Variants in ZFHX3 observed in about 807,000 individuals in gnomAD.
The protein encoded by ZFHX3 is zinc finger homeobox protein 3.
Under a neutral mutation model 279.1 loss-of-function variants are expected in ZFHX3, and 42 were observed. The ratio of observed to expected loss-of-function variants is 0.15; its 90% confidence interval spans 0.12 to 0.19. The LOEUF is 0.19. Among genes scored for constraint, ZFHX3 ranks in the 10% least tolerant of loss-of-function variants. The pLI, the probability that ZFHX3 is intolerant of heterozygous loss-of-function variation, is 1.00. For missense variants in ZFHX3, 4,981 were observed against 4,754.0 expected, an observed-to-expected ratio of 1.05 and a Z score of -1.40; for synonymous variants, 2,293 against 1,957.8, an observed-to-expected ratio of 1.17 and a Z score of -4.52.
intron 3 of ZFHX3, among the ~76,000 whole-genome samples, chr16:73,441,672 G>A (rs1312312679): frequency 2.6e-5 from 4 of 152,100 alleles, no homozygotes; most frequent in African/African-American, 7.2e-5. Context: ...AGCAGCCATC[G>A]CCAACCACCC....
chr16:73,162,279 A>G (rs1262147351), intron 5 of ZFHX3, among the ~76,000 whole-genome samples: 1 of 152,226 alleles, frequency 6.6e-6, no homozygotes, highest in African/African-American at 2.4e-5. Flanking sequence ...TTATAGCAGC[A>G]CAAACCCTAC....
intron 1 of ZFHX3, among the ~76,000 whole-genome samples, chr16:73,772,395 T>C (rs939028288): frequency 6.6e-6 from 1 of 152,164 alleles, no homozygotes; most frequent in Non-Finnish European, 1.5e-5. Flanking sequence ...CCATCAGATC[T>C]TGTAAGACTT....
chr16:73,752,596 C>A (rs1202818567), intron 1 of ZFHX3, among the ~76,000 whole-genome samples: 1 of 152,142 alleles, frequency 6.6e-6, no homozygotes, highest in Non-Finnish European at 1.5e-5. Context: ...AGCAGGAAAA[C>A]ACTCCCAGAG....
chr16:73,707,783 A>G (rs1418632461), intron 1 of ZFHX3, among the ~76,000 whole-genome samples: 1 of 151,966 alleles, frequency 6.6e-6, no homozygotes, highest in Non-Finnish European at 1.5e-5. Flanking sequence ...ACAAAACTAC[A>G]TGCCATTTAA....
Position 73,771,471 on chromosome 16 carries a change from A to G in ZFHX3, c.-1607-91231T>C, listed in dbSNP as rs114580894. Among the ~76,000 whole-genome samples, 1,448 of 152,332 alleles carry G rather than the reference A, an allele frequency of 9.5e-3. 26 individuals carry two copies. Among genetic ancestry groups the G allele is most frequent in the African/African-American group, 0.033 (1,384 of 41,580 alleles). On this transcript the variant is annotated intron_variant, in intron 1 of 17. Coordinates refer to the ZFHX3 transcript ENST00000641206. ...ACTTCTAAACTCAGTGCCTATGTAAAGCAATGGTCAGTAAGGAATTTTCCT... is the reference window on the plus strand; with the variant it reads ...ACTTCTAAACTCAGTGCCTATGTAAGGCAATGGTCAGTAAGGAATTTTCCT...
chr16:72,937,613 C>A (rs1960191838), intron 3 of ZFHX3, among the ~76,000 whole-genome samples: 2 of 152,230 alleles, frequency 1.3e-5, no homozygotes, highest in Non-Finnish European at 2.9e-5. Context: ...GACCAGGTGA[C>A]TTCCATGAGT....
At chr16:73,143,619 T>C (rs1273347591) in intron 6 of ZFHX3, 1 of 522,776 alleles carries the variant, frequency 1.9e-6, no homozygotes, top group Non-Finnish European at 3.4e-6. Flanking sequence ...AGGTGTCTAG[T>C]AACACTGCAA....
intron 4 of ZFHX3, among the ~76,000 whole-genome samples, chr16:73,305,761 G>A (rs1315509072): frequency 1.3e-5 from 2 of 152,102 alleles, no homozygotes; most frequent in South Asian, 4.2e-4. Context: ...CCCAGGAAAG[G>A]AAGAAAGAAA....
At chr16:73,592,857 T>G (rs2052013677) in intron 2 of ZFHX3, among the ~76,000 whole-genome samples, 1 of 150,366 alleles carries the variant, frequency 6.7e-6, no homozygotes, top group African/African-American at 2.4e-5. Context: ...TTTAAAAGAT[T>G]AATAAAAACA....
At chr16:72,881,166 T>C (rs1231547657) in intron 4 of ZFHX3, among the ~76,000 whole-genome samples, 1 of 152,230 alleles carries the variant, frequency 6.6e-6, no homozygotes, top group African/African-American at 2.4e-5. Context: ...TCTAGAAATC[T>C]GTATTGTCTA....
chr16:73,180,780 A>G (rs1967772610), intron 5 of ZFHX3, among the ~76,000 whole-genome samples: 1 of 151,884 alleles, frequency 6.6e-6, no homozygotes, highest in Non-Finnish European at 1.5e-5. Context: ...CTCGTGCCTC[A>G]GCCTCCTGAG....
intron 2 of ZFHX3, among the ~76,000 whole-genome samples, chr16:73,636,284 A>G (rs2052526435): frequency 1.3e-5 from 2 of 152,234 alleles, no homozygotes; most frequent in African/African-American, 4.8e-5. Context: ...AATGAAGGAT[A>G]TTTATCAGAA....
intron 2 of ZFHX3, among the ~76,000 whole-genome samples, chr16:73,562,812 G>T (rs1200603663): frequency 6.6e-6 from 1 of 152,076 alleles, no homozygotes; most frequent in Non-Finnish European, 1.5e-5. Context: ...TATGAAACTG[G>T]TCCTATTTAT....
intron 3 of ZFHX3, among the ~76,000 whole-genome samples, chr16:73,340,442 G>T (rs1218339998): frequency 6.6e-6 from 1 of 152,232 alleles, no homozygotes; most frequent in Non-Finnish European, 1.5e-5. Context: ...GCTCACCGCA[G>T]CCTTGCTGGG....
At chr16:73,282,920 A>G (rs2014493497) in intron 4 of ZFHX3, among the ~76,000 whole-genome samples, 1 of 152,170 alleles carries the variant, frequency 6.6e-6, no homozygotes, top group Admixed American at 6.5e-5. Flanking sequence ...GTTATTGAGC[A>G]TCTATTATGT....
At chr16:73,418,288 C>A (rs541110647) in intron 3 of ZFHX3, among the ~76,000 whole-genome samples, 4 of 152,358 alleles carry the variant, frequency 2.6e-5, no homozygotes, top group Admixed American at 2.6e-4. Flanking sequence ...AGCTGGTAGA[C>A]GGTGGTACCA....
At chr16:72,883,728 G>C (rs2038553586) in intron 4 of ZFHX3, among the ~76,000 whole-genome samples, 2 of 152,192 alleles carry the variant, frequency 1.3e-5, no homozygotes, top group Admixed American at 1.3e-4. Flanking sequence ...ATCAGGGAAT[G>C]TCCTTTAGAC....
intron 2 of ZFHX3, among the ~76,000 whole-genome samples, chr16:73,586,069 T>A (rs1306673492): frequency 6.6e-6 from 1 of 152,112 alleles, no homozygotes; most frequent in Non-Finnish European, 1.5e-5. Flanking sequence ...ACTACAACTA[T>A]ATATTGTTTT....
At chr16:72,921,302 G>C (rs1251439854) in intron 3 of ZFHX3, among the ~76,000 whole-genome samples, 1 of 152,200 alleles carries the variant, frequency 6.6e-6, no homozygotes, top group Non-Finnish European at 1.5e-5. Context: ...ACTTGGACAA[G>C]TGCTTCACAG....
Sources: gnomAD v4.1 joint callset for allele counts (sites outside exome capture counted in the v4.1 genomes callset) on GRCh38, gnomAD v4.1.1 for gene constraint, MANE v1.5 for transcripts, NCBI Gene and HGNC (gene_info 2026-07-23, HGNC 2026-07-21) for gene names.